Variants in SYTL1 observed in about 807,000 individuals in gnomAD.
The protein encoded by SYTL1 is synaptotagmin like 1.
In SYTL1, 53 loss-of-function variants were observed where a neutral mutation model predicts 74.6. That is an observed-to-expected ratio of 0.71 (90% CI 0.57 to 0.89). SYTL1 has a LOEUF of 0.89. Ranked by LOEUF, SYTL1 falls within the 40% of genes least tolerant of loss-of-function variation. The probability of loss-of-function intolerance (pLI) is 0.00; values close to 1 mark genes in which losing one functional copy is unlikely to be tolerated. For missense variants in SYTL1, 728 were observed against 768.7 expected (o/e 0.95, Z 0.63); for synonymous variants, 329 against 324.9 (o/e 1.01, Z -0.14).
rs1471509021 is a variant in SYTL1 at position 27,342,760 on chromosome 1, G to A, written c.-39+610G>A. 1.3e-5 allele frequency among the ~76,000 whole-genome samples: 2 copies of A among 152,262 alleles called. No homozygotes were observed. The highest frequency in any genetic ancestry group is 1.9e-4 in the East Asian group (1 of 5,172). The stretch of plus-strand genomic sequence containing the variant: ...TACACAGCTCACAGACTCACGCAAC[G>A]CAGACATGCCCACCAGACTCGGACC... On this transcript the variant is annotated intron_variant, in intron 1 of 14. Transcript: ENST00000616558. This position sits in a 1 kb window ranked among gnomAD's most constrained non-coding sequence, Gnocchi z 4.7.
chr1:27,352,636 C>T (rs1036229897), intron 13 of SYTL1: 27 of 150,778 alleles, frequency 1.8e-4, no homozygotes, highest in Non-Finnish European at 3.2e-4. Flanking sequence ...CTACAGGCGC[C>T]CGCTACCACG....
Position 27,347,535 on chromosome 1 carries a change from C to G in SYTL1, c.306C>G (p.Val102=), listed in dbSNP as rs751490630. 6.2e-7 allele frequency: 1 copy of G among 1,614,084 alleles called. No individual in the cohort carries two copies. The highest frequency in any genetic ancestry group is 2.2e-5 in the East Asian group (1 of 44,892). ...HHNAHFGSDL[V]RASMRRKKST... ...ATGCCCACTTCGGCTCTGACCTTGT[C>G]CGAGCGTCTATGCGCAGGAAGAAGA... The change falls in exon 3 of 15, where the codon GTC becomes GTG. Residue 102 remains valine, a synonymous_variant. Transcript: ENST00000616558. This position sits in a 1 kb window ranked among gnomAD's most constrained non-coding sequence, Gnocchi z 4.9.
chr1:27,345,485 C>T lies in SYTL1; in HGVS notation c.151C>T (p.Arg51Ter), dbSNP rs775991755. The T allele has an allele frequency of 1.9e-5, 29 of 1,559,116 alleles. 1 individual carries two copies. The highest frequency in any genetic ancestry group is 3.4e-4 in the Middle Eastern group (2 of 5,912). The change falls in exon 2 of 15, where the codon CGA becomes TGA. Residue 51 changes from arginine (R) to a stop codon, truncating the protein, a stop_gained. Coordinates refer to ENST00000616558, the MANE Select transcript of SYTL1 (RefSeq NM_001193308.2). LOFTEE classifies it high-confidence loss of function. This position sits in a 1 kb window ranked among gnomAD's most constrained non-coding sequence, Gnocchi z 6.0. Reference sequence around the variant, plus strand: ...GGAGGCCATTGCTGGCGTCCTCCAACGAGATGCCCGCCTGCGCCAGCTGGA... The same window carrying T: ...GGAGGCCATTGCTGGCGTCCTCCAATGAGATGCCCGCCTGCGCCAGCTGGA... The part of the protein sequence containing the change: ...EQEAIAGVLQ[R>*]DARLRQLEEG...
rs1571043024 is a variant in SYTL1 at position 27,350,331 on chromosome 1, A to C, written c.909-58A>C. The C allele has an allele frequency of 6.5e-7, 1 of 1,544,180 alleles. No individual in the cohort carries two copies. On this transcript the variant is annotated intron_variant, in intron 9 of 14. Transcript: ENST00000616558. This position sits in a 1 kb window ranked among gnomAD's most constrained non-coding sequence, Gnocchi z 6.3. Reference sequence around the variant, plus strand: ...CGGGATGGTGGCTGGGGGAGCCCACAGGCAGGGGAGAAGGCTCTGGGAGGG... The same window carrying C: ...CGGGATGGTGGCTGGGGGAGCCCACCGGCAGGGGAGAAGGCTCTGGGAGGG...
chr1:27,350,735 G>A lies in SYTL1; in HGVS notation c.1006-59G>A. 4 of 1,584,060 alleles carry A rather than the reference G, an allele frequency of 2.5e-6. No homozygotes were observed. Among genetic ancestry groups the A allele is most frequent in the Non-Finnish European group, 2.6e-6 (3 of 1,159,902 alleles). ...CGGTAGGACCTGCCTCAGCCAACTCGCGCAGCATCTACGCGGGCCACCAGC... is the reference window on the plus strand; with the variant it reads ...CGGTAGGACCTGCCTCAGCCAACTCACGCAGCATCTACGCGGGCCACCAGC... On this transcript the variant is annotated intron_variant, in intron 10 of 14. Transcript: ENST00000616558. This position sits in a 1 kb window ranked among gnomAD's most constrained non-coding sequence, Gnocchi z 6.3.
In SYTL1 at chr1:27,343,807, A is replaced by G. The variant is rs2014881736; in HGVS notation, c.-38-1490A>G. The stretch of plus-strand genomic sequence containing the variant: ...TTAGCCGGGCAATGTATGTGTGCCA[A>G]AGTCTGTATGATTTTTATGTACATC... On this transcript the variant is annotated intron_variant, in intron 1 of 14. Coordinates refer to ENST00000616558, the MANE Select transcript of SYTL1 (RefSeq NM_001193308.2). The surrounding 1 kb of genome is among the most constrained non-coding windows in gnomAD (Gnocchi z 5.2). 6.6e-6 allele frequency among the ~76,000 whole-genome samples: 1 copy of G among 152,156 alleles called. No individual in the cohort carries two copies. The highest frequency in any genetic ancestry group is 2.1e-4 in the South Asian group (1 of 4,826).
chr1:27,353,176 G>A (rs1452594940), intron 13 of SYTL1, 107 bp from the exon 14 acceptor site: 3 of 1,172,520 alleles, frequency 2.6e-6, no homozygotes, highest in African/African-American at 3.0e-5. Context: ...GCAGGCAGGA[G>A]CCAGGGGACA....
rs2148026464 is a variant in SYTL1 at position 27,342,865 on chromosome 1, AC to A, written c.-39+719del. Among the ~76,000 whole-genome samples the A allele has an allele frequency of 6.6e-6, 1 of 152,116 alleles. No individual in the cohort carries two copies. The highest frequency in any genetic ancestry group is 1.5e-5 in the Non-Finnish European group (1 of 67,960). On this transcript the variant is annotated intron_variant, in intron 1 of 14. Transcript: ENST00000616558. The surrounding 1 kb of genome is among the most constrained non-coding windows in gnomAD (Gnocchi z 4.7). ...CAGGGGAGGCCGAACGTGGGCTCAC[AC>A]CCCAATCCACAGGGGAGGCCGAACG...
rs774842153 is a variant in SYTL1 at position 27,345,515 on chromosome 1, G to T, written c.181G>T (p.Gly61Trp). Reference sequence around the variant, plus strand: ...TGCCCGCCTGCGCCAGCTGGAGGAGGGGCGGGTCAGGTAAGGCAGGGCAGA... The same window carrying T: ...TGCCCGCCTGCGCCAGCTGGAGGAGTGGCGGGTCAGGTAAGGCAGGGCAGA... ...RDARLRQLEE[G>W]RVSKLRASVA... Residue 61 changes from glycine to tryptophan, a missense_variant, in exon 2 of 15, where the codon GGG becomes TGG. Transcript: ENST00000616558. The surrounding 1 kb of genome is among the most constrained non-coding windows in gnomAD (Gnocchi z 6.0). 1.6e-5 allele frequency: 25 copies of T among 1,552,286 alleles called. 2 individuals carry two copies. The South Asian group carries it at 3.0e-4, about 18-fold the overall frequency.
rs752459695 is a variant in SYTL1 at position 27,343,030 on chromosome 1, G to A, written c.-39+880G>A. On this transcript the variant is annotated intron_variant, in intron 1 of 14. Coordinates refer to ENST00000616558, the MANE Select transcript of SYTL1 (RefSeq NM_001193308.2). This position sits in a 1 kb window ranked among gnomAD's most constrained non-coding sequence, Gnocchi z 5.2. Reference sequence around the variant, plus strand: ...GTGTCAAGAGGGATCGCTGGGGCTCGGCCACTGACTCAGCTGGGAGGGGAC... The same window carrying A: ...GTGTCAAGAGGGATCGCTGGGGCTCAGCCACTGACTCAGCTGGGAGGGGAC... Among the ~76,000 whole-genome samples the A allele has an allele frequency of 6.5e-4, 99 of 152,362 alleles. 1 individual carries two copies. The highest frequency in any genetic ancestry group is 1.2e-3 in the Admixed American group (18 of 15,300).
chr1:27,350,756 C>A lies in SYTL1; in HGVS notation c.1006-38C>A, dbSNP rs1419247099. 6.2e-7 allele frequency: 1 copy of A among 1,605,536 alleles called. No homozygotes were observed. Among genetic ancestry groups the A allele is most frequent in the East Asian group, 2.2e-5 (1 of 44,656 alleles). ...ACTCGCGCAGCATCTACGCGGGCCACCAGCAGTGCTCCACTAAAGCTCACC... is the reference window on the plus strand; with the variant it reads ...ACTCGCGCAGCATCTACGCGGGCCAACAGCAGTGCTCCACTAAAGCTCACC... On this transcript the variant is annotated intron_variant, in intron 10 of 14. Transcript: ENST00000616558. This position sits in a 1 kb window ranked among gnomAD's most constrained non-coding sequence, Gnocchi z 6.3.
intron 7 of SYTL1, 55 bp downstream of exon 7, chr1:27,349,553 G>A: frequency 2.0e-6 from 3 of 1,472,304 alleles, no homozygotes; most frequent in East Asian, 2.5e-5. Flanking sequence ...CTCCGGGCGG[G>A]GAGCGCTCCT....
In SYTL1 at chr1:27,351,558, G is replaced by A. The variant is rs2015279679; in HGVS notation, c.1343+3G>A. 7 of 1,526,584 alleles carry A rather than the reference G, an allele frequency of 4.6e-6. No homozygotes were observed. Among genetic ancestry groups the A allele is most frequent in the Non-Finnish European group, 8.8e-7 (1 of 1,132,236 alleles). 94.6% of individuals were successfully genotyped at this position (1,526,584 alleles called of 1,614,324 possible). A position where few individuals can be genotyped will look rare whatever the true frequency, so the allele number is the denominator to read the frequency against. On this transcript the variant is annotated splice_donor_region_variant and intron_variant, in intron 13 of 14. Coordinates refer to ENST00000616558, the MANE Select transcript of SYTL1 (RefSeq NM_001193308.2). This position sits in a 1 kb window ranked among gnomAD's most constrained non-coding sequence, Gnocchi z 5.0. Reference sequence around the variant, plus strand: ...TCCCTGGACACTTACGTACAATGGTGAGGAGTGCTGGCCCTCCGGGCTTCC... The same window carrying A: ...TCCCTGGACACTTACGTACAATGGTAAGGAGTGCTGGCCCTCCGGGCTTCC...
intron 5 of SYTL1, 21 bp from the exon 6 acceptor site, chr1:27,349,059 T>C (rs1463319851): frequency 6.3e-7 from 1 of 1,599,918 alleles, no homozygotes; most frequent in African/African-American, 1.3e-5. Flanking sequence ...TACTGTGACC[T>C]CTACCCCTTT....
At position 27,345,659 on chromosome 1, in the gene SYTL1, G is replaced by C. The variant is rs2148029738; in HGVS notation, c.191+134G>C. 3.4e-6 allele frequency: 2 copies of C among 596,808 alleles called. No homozygotes were observed. The highest frequency in any genetic ancestry group is 5.7e-6 in the Non-Finnish European group (2 of 353,160). 37.0% of individuals were successfully genotyped at this position (596,808 alleles called of 1,614,324 possible). On this transcript the variant is annotated intron_variant, in intron 2 of 14. Coordinates refer to ENST00000616558, the MANE Select transcript of SYTL1 (RefSeq NM_001193308.2). This position sits in a 1 kb window ranked among gnomAD's most constrained non-coding sequence, Gnocchi z 6.0. ...TGCCCTTCAGTCTCCTCTGGCCTTGGCCAGCTCACAGCTCATCACTTCTCC... is the reference window on the plus strand; with the variant it reads ...TGCCCTTCAGTCTCCTCTGGCCTTGCCCAGCTCACAGCTCATCACTTCTCC...
At position 27,348,415 on chromosome 1, in the gene SYTL1, AAAAT is replaced by A; in HGVS notation, c.459+411_459+414del. ...AGCAAAATGCCCCCCATGTCTATAA[AAAAT>A]AAATAAAAAAAAAAGGCCGGTCGTG... On this transcript the variant is annotated intron_variant, in intron 5 of 14. Transcript: ENST00000616558. The surrounding 1 kb of genome is among the most constrained non-coding windows in gnomAD (Gnocchi z 4.1). Among the ~76,000 whole-genome samples the A allele has an allele frequency of 6.6e-6, 1 of 152,118 alleles. No individual in the cohort carries two copies. Among genetic ancestry groups the A allele is most frequent in the South Asian group, 2.1e-4 (1 of 4,818 alleles).
chr1:27,349,924 A>G (rs1313029100), intron 8 of SYTL1, 48 bp from the exon 9 acceptor site: 5 of 1,556,986 alleles, frequency 3.2e-6, no homozygotes, highest in African/African-American at 1.4e-5. Context: ...CGCGGCCCCG[A>G]CGTGAGCCCT....
At position 27,350,148 on chromosome 1, in the gene SYTL1, G is replaced by C. The variant is rs745699057; in HGVS notation, c.908+16G>C. 830 of 1,400,520 alleles carry C rather than the reference G, an allele frequency of 5.9e-4. 1 individual carries two copies. Among genetic ancestry groups the C allele is most frequent in the Non-Finnish European group, 7.5e-4 (805 of 1,078,026 alleles). The allele number at this position is 1,400,520 out of a possible 1,614,324, so 86.8% of individuals were successfully genotyped here. The stretch of plus-strand genomic sequence containing the variant: ...GCTCGGACCCGTGAGTGCCCCGCCG[G>C]CCAAGCGGGGCGCGGCTGTCACAGC... On this transcript the variant is annotated intron_variant, in intron 9 of 14. Transcript: ENST00000616558. The surrounding 1 kb of genome is among the most constrained non-coding windows in gnomAD (Gnocchi z 6.3).
At position 27,348,177 on chromosome 1, in the gene SYTL1, G is replaced by T. The variant is rs1053417295; in HGVS notation, c.459+165G>T. On this transcript the variant is annotated intron_variant, in intron 5 of 14. Coordinates refer to ENST00000616558, the MANE Select transcript of SYTL1 (RefSeq NM_001193308.2). This position sits in a 1 kb window ranked among gnomAD's most constrained non-coding sequence, Gnocchi z 4.1. ...CCTGGGTGGAACAGTGGTGAACGGT[G>T]GGGAACGGTGGTGAATGGTGGTAAA... Among the ~76,000 whole-genome samples the T allele has an allele frequency of 6.6e-6, 1 of 152,184 alleles. No individual in the cohort carries two copies. Among genetic ancestry groups the T allele is most frequent in the Non-Finnish European group, 1.5e-5 (1 of 68,032 alleles).
Sources: gnomAD v4.1 joint callset for allele counts (sites outside exome capture counted in the v4.1 genomes callset) on GRCh38, gnomAD v4.1.1 for gene constraint, Gnocchi (gnomAD v3.1) non-coding constraint, MANE v1.5 for transcripts, NCBI Gene and HGNC (gene_info 2026-07-23, HGNC 2026-07-21) for gene names.